FSIP1: variants seen among roughly 807,000 people sequenced by gnomAD.
The protein encoded by FSIP1 is fibrous sheath-interacting protein 1.
Under a neutral mutation model 60.9 loss-of-function variants are expected in FSIP1, and 65 were observed. That is an observed-to-expected ratio of 1.07 (90% CI 0.87 to 1.31). The LOEUF (loss-of-function observed/expected upper bound fraction) is 1.31. Among genes scored for constraint, FSIP1 ranks in the 40% most tolerant of loss-of-function variants. The pLI, the probability that FSIP1 is intolerant of heterozygous loss-of-function variation, is 0.00. For synonymous variants in FSIP1, 209 were observed against 221.2 expected, an observed-to-expected ratio of 0.94 and a Z score of 0.49; for missense variants, 675 against 665.5, an observed-to-expected ratio of 1.01 and a Z score of -0.16.
intron 2 of FSIP1, among the ~76,000 whole-genome samples, chr15:39,773,078 T>G (rs1371331341): frequency 6.6e-6 from 1 of 152,156 alleles, no homozygotes; most frequent in African/African-American, 2.4e-5. Context: ...AAGCCAAAAT[T>G]TTTAGAATGA....
chr15:39,691,607 G>T (rs1474367416), intron 10 of FSIP1, among the ~76,000 whole-genome samples: 2 of 152,216 alleles, frequency 1.3e-5, no homozygotes, highest in African/African-American at 4.8e-5. Context: ...CCTTTCCAAA[G>T]AGTCTCATCT....
At chr15:39,700,018 C>A (rs1195608323) in intron 10 of FSIP1, among the ~76,000 whole-genome samples, 1 of 152,194 alleles carries the variant, frequency 6.6e-6, no homozygotes, top group Non-Finnish European at 1.5e-5. Context: ...AAGAGCCCTG[C>A]AGAAAGCCTG....
chr15:39,640,519 G>A (rs1892317514), intron 10 of FSIP1, among the ~76,000 whole-genome samples: 1 of 152,120 alleles, frequency 6.6e-6, no homozygotes, highest in Non-Finnish European at 1.5e-5. Flanking sequence ...TTTCCCAGAG[G>A]TTCTGAGTGC....
chr15:39,737,291 T>A (rs1566907884), intron 8 of FSIP1, among the ~76,000 whole-genome samples: 1 of 152,108 alleles, frequency 6.6e-6, no homozygotes, highest in African/African-American at 2.4e-5. Flanking sequence ...TGTTCCCCTC[T>A]TTCACTTTAG....
chr15:39,706,921 C>T (rs1156686722), intron 10 of FSIP1, among the ~76,000 whole-genome samples: 1 of 152,186 alleles, frequency 6.6e-6, no homozygotes, highest in Non-Finnish European at 1.5e-5. Flanking sequence ...AGACCTATCT[C>T]ATTCTTTTGA....
intron 11 of FSIP1, among the ~76,000 whole-genome samples, chr15:39,613,554 C>T (rs1013336274): frequency 6.6e-6 from 1 of 152,160 alleles, no homozygotes; most frequent in Non-Finnish European, 1.5e-5. Flanking sequence ...CAGTGCTTCT[C>T]AAACTCTTCC....
At chr15:39,691,660 G>A (rs924757621) in intron 10 of FSIP1, among the ~76,000 whole-genome samples, 5 of 152,192 alleles carry the variant, frequency 3.3e-5, no homozygotes, top group African/African-American at 1.2e-4. Flanking sequence ...TGGCAGAAGG[G>A]GACTGTTTGA....
At chr15:39,687,008 C>T (rs1042234237) in intron 10 of FSIP1, among the ~76,000 whole-genome samples, 3 of 152,062 alleles carry the variant, frequency 2.0e-5, no homozygotes, top group African/African-American at 7.2e-5. Flanking sequence ...TGAGGTTTCT[C>T]CTTGGCAATC....
chr15:39,617,700 A>T lies in FSIP1; in HGVS notation c.1699+35T>A, dbSNP rs563517813. The T allele has an allele frequency of 3.8e-6, 6 of 1,569,376 alleles. No individual in the cohort carries two copies. The South Asian group carries it at 7.0e-5, about 18-fold the overall frequency. On this transcript the variant is annotated intron_variant, in intron 11 of 11. Transcript: ENST00000350221. Reference sequence around the variant, plus strand: ...CCTTTATATTGAGGTGCTTTTAAGAATTATTTACCAAAACACATGTTCGCC... The same window carrying T: ...CCTTTATATTGAGGTGCTTTTAAGATTTATTTACCAAAACACATGTTCGCC...
chr15:39,608,129 A>C (rs1890893838), intron 11 of FSIP1, among the ~76,000 whole-genome samples: 1 of 152,348 alleles, frequency 6.6e-6, no homozygotes, highest in Non-Finnish European at 1.5e-5. Context: ...TCAAAGTAAT[A>C]ATGTAAGACC....
chr15:39,617,816 C>A lies in FSIP1; in HGVS notation c.1618G>T (p.Asp540Tyr), dbSNP rs761593473. 7 of 1,613,960 alleles carry A rather than the reference C, an allele frequency of 4.3e-6. No homozygotes were observed. Among genetic ancestry groups the A allele is most frequent in the Non-Finnish European group, 5.9e-6 (7 of 1,179,854 alleles). The change falls in exon 11 of 12, where the codon GAT (aspartate) becomes TAT (tyrosine). Residue 540 changes from aspartate (D) to tyrosine (Y), a missense_variant. Asp to Tyr is a radical substitution (Grantham distance 160). Coordinates refer to ENST00000350221, the MANE Select transcript of FSIP1 (RefSeq NM_152597.5). ...CTCACACTGATACCATACAGTGGATCATCTAAGAAGGAGGGCCTTTTCAGT... is the reference window on the plus strand; with the variant it reads ...CTCACACTGATACCATACAGTGGATAATCTAAGAAGGAGGGCCTTTTCAGT... ...GRLKRPSFLD[D>Y]PLYGISVSLS...
Position 39,640,913 on chromosome 15 carries a change from A to AT in FSIP1, c.1189-22669dup, listed in dbSNP as rs1892343205. On this transcript the variant is annotated intron_variant, in intron 10 of 11. Coordinates refer to ENST00000350221, the MANE Select transcript of FSIP1 (RefSeq NM_152597.5). ...AAGACTTGGCTATTGTTACAGGTGC[A>AT]TACTACTAAATTAGGTTTTCAATCT... 3.3e-5 allele frequency among the ~76,000 whole-genome samples: 5 copies of AT among 152,230 alleles called. No homozygotes were observed. The South Asian group carries it at 1.0e-3, about 31-fold the overall frequency.
intron 11 of FSIP1, among the ~76,000 whole-genome samples, chr15:39,614,838 A>G (rs1172845505): frequency 6.6e-6 from 1 of 152,194 alleles, no homozygotes; most frequent in Non-Finnish European, 1.5e-5. Flanking sequence ...TGAATAGCCA[A>G]AGAAATCTTG....
intron 10 of FSIP1, among the ~76,000 whole-genome samples, chr15:39,686,444 A>C (rs1451190618): frequency 6.6e-6 from 1 of 152,290 alleles, no homozygotes; most frequent in Non-Finnish European, 1.5e-5. Flanking sequence ...CCAAACTGTC[A>C]ATATAAATTG....
At chr15:39,682,692 G>C (rs1019014506) in intron 10 of FSIP1, among the ~76,000 whole-genome samples, 1 of 152,074 alleles carries the variant, frequency 6.6e-6, no homozygotes, top group African/African-American at 2.4e-5. Context: ...ATTACTTTCT[G>C]GTTTGTTTCC....
rs369730969 is a variant in FSIP1, at chr15:39,659,123, GA to G, written c.1189-40879del. Among the ~76,000 whole-genome samples the G allele has an allele frequency of 3.7e-3, 569 of 152,274 alleles. 4 individuals carry two copies. Among genetic ancestry groups the G allele is most frequent in the African/African-American group, 0.013 (544 of 41,548 alleles). On this transcript the variant is annotated intron_variant, in intron 10 of 11. Coordinates refer to ENST00000350221, the MANE Select transcript of FSIP1 (RefSeq NM_152597.5). The stretch of plus-strand genomic sequence containing the variant: ...CAGGCTATGAAAATCCATAGAGGCA[GA>G]AAAAAATCAGTGGTTATGCCATGAA...
chr15:39,599,406 A>G (rs1175458750), downstream of FSIP1: 1 of 152,110 alleles, frequency 6.6e-6, no homozygotes, highest in Non-Finnish European at 1.5e-5. Context: ...CCCAAATATC[A>G]TTGGCAGAAG....
chr15:39,771,417 T>C (rs1046989574), intron 2 of FSIP1, among the ~76,000 whole-genome samples: 1 of 152,180 alleles, frequency 6.6e-6, no homozygotes, highest in African/African-American at 2.4e-5. Context: ...CTGCACCACA[T>C]GTTCAACTCT....
chr15:39,600,985 G>A, intron 11 of FSIP1, 59 bp from the exon 12 acceptor site: 4 of 1,302,586 alleles, frequency 3.1e-6, no homozygotes. Flanking sequence ...GCATAATTAA[G>A]AAAAACAACT....
Sources: gnomAD v4.1 joint callset for allele counts (sites outside exome capture counted in the v4.1 genomes callset) on GRCh38, gnomAD v4.1.1 for gene constraint, MANE v1.5 for transcripts, NCBI Gene and HGNC (gene_info 2026-07-23, HGNC 2026-07-21) for gene names.